Variants in PCBP3 observed in about 807,000 individuals in gnomAD.
PCBP3 encodes the protein poly(rC)-binding protein 3.
A neutral mutation model predicts 52.7 loss-of-function variants in PCBP3; 25 were observed. The observed-to-expected ratio is 0.47, with a 90% CI of 0.35 to 0.66. The LOEUF is 0.66. Among genes scored for constraint, PCBP3 ranks in the 30% least tolerant of loss-of-function variants. PCBP3 has a pLI of 0.01. For missense variants in PCBP3, 391 were observed against 490.3 expected (o/e 0.80, Z 1.91); for synonymous variants, 162 against 183.0 (o/e 0.89, Z 0.93).
At chr21:45,672,027 C>G (rs1201991944) in intron 2 of PCBP3, among the ~76,000 whole-genome samples, 1 of 152,126 alleles carries the variant, frequency 6.6e-6, no homozygotes, top group African/African-American at 2.4e-5. Context: ...GAAGTTTAAT[C>G]TTAAGATGTG....
chr21:45,681,235 T>C (rs965354414), intron 2 of PCBP3, among the ~76,000 whole-genome samples: 2 of 152,236 alleles, frequency 1.3e-5, no homozygotes, highest in Admixed American at 1.3e-4. Flanking sequence ...CAGCCTCTAT[T>C]TCTAGTTTTC....
At position 45,646,093 on chromosome 21, in the gene PCBP3, C is replaced by CTT. The variant is rs2079262936; in HGVS notation, c.-279+2226_-279+2227insTT. Among the ~76,000 whole-genome samples the CTT allele has an allele frequency of 3.3e-3, 269 of 81,394 alleles. 2 individuals are homozygous for CTT. Among genetic ancestry groups the CTT allele is most frequent in the Middle Eastern group, 0.012 (2 of 164 alleles). The allele number at this position is 81,394 out of a possible 152,430, so 53.4% of individuals were successfully genotyped here. A position where few individuals can be genotyped will look rare whatever the true frequency, so the allele number is the denominator to read the frequency against. On this transcript the variant is annotated intron_variant, in intron 1 of 17. Transcript: ENST00000681687. ...TCTCTCTCTCTCTCTTTCTCTCTCT[C>CTT]TCTCTCTCTCTCTCTGTGTGTGTGT... is the stretch of plus-strand genomic sequence containing the variant.
chr21:45,915,645 G>A (rs533747257), intron 12 of PCBP3: 2 of 152,384 alleles, frequency 1.3e-5, no homozygotes, highest in African/African-American at 4.8e-5. Flanking sequence ...ACTGCAGCAG[G>A]TGAAGGGCCC....
intron 9 of PCBP3, among the ~76,000 whole-genome samples, chr21:45,906,902 C>G (rs886627085): frequency 1.3e-5 from 2 of 152,164 alleles, no homozygotes; most frequent in Non-Finnish European, 2.9e-5. Context: ...TGATTTGAAA[C>G]GCCTCCCAGG....
chr21:45,922,402 G>T lies in PCBP3; in HGVS notation c.717+4773G>T, dbSNP rs2074567585. On this transcript the variant is annotated intron_variant, in intron 13 of 17. Transcript: ENST00000681687. ...GACCCCATTTCTACAAAAAAATACAGAAATTAACTGGGTGTGGTGGCACAC... is the reference window on the plus strand; with the variant it reads ...GACCCCATTTCTACAAAAAAATACATAAATTAACTGGGTGTGGTGGCACAC... Among the ~76,000 whole-genome samples, 3 of 151,974 alleles carry T rather than the reference G, an allele frequency of 2.0e-5. No individual in the cohort carries two copies. In the South Asian group the frequency reaches 6.2e-4, roughly 32 times the overall value.
At chr21:45,888,844 G>A (rs1569445568) in intron 5 of PCBP3, among the ~76,000 whole-genome samples, 1 of 152,186 alleles carries the variant, frequency 6.6e-6, no homozygotes, top group Non-Finnish European at 1.5e-5. Flanking sequence ...CACGTGGACA[G>A]TATCTATACA....
At chr21:45,938,722 C>T (rs1013955221) in intron 16 of PCBP3, among the ~76,000 whole-genome samples, 2 of 152,160 alleles carry the variant, frequency 1.3e-5, no homozygotes, top group African/African-American at 4.8e-5. Context: ...GCCCTGGATT[C>T]TCCAGAGTGG....
In PCBP3 at chr21:45,928,378, G is replaced by A. The variant is rs1360912617; in HGVS notation, c.718-1539G>A. Among the ~76,000 whole-genome samples the A allele has an allele frequency of 6.6e-6, 1 of 152,166 alleles. No individual in the cohort carries two copies. Among genetic ancestry groups the A allele is most frequent in the Non-Finnish European group, 1.5e-5 (1 of 68,012 alleles). On this transcript the variant is annotated intron_variant, in intron 13 of 17. Coordinates refer to ENST00000681687, the MANE Select transcript of PCBP3 (RefSeq NM_001384156.1). The surrounding 1 kb of genome is among the most constrained non-coding windows in gnomAD (Gnocchi z 4.1). Reference sequence around the variant, plus strand: ...CTGCAAGGCCAGGGGTTGGGGAGGGGCAGGGCTGGGGAGCAGGCCCCCCGA... The same window carrying A: ...CTGCAAGGCCAGGGGTTGGGGAGGGACAGGGCTGGGGAGCAGGCCCCCCGA...
intron 2 of PCBP3, among the ~76,000 whole-genome samples, chr21:45,669,683 C>T (rs188021761): frequency 1.3e-5 from 2 of 151,114 alleles, no homozygotes; most frequent in Non-Finnish European, 3.0e-5. Flanking sequence ...AATATTTTTC[C>T]TTTTGTGACT....
chr21:45,911,043 C>T lies in PCBP3; in HGVS notation c.600+13C>T, dbSNP rs201001135. Reference sequence around the variant, plus strand: ...GGTCATGCTGGAGGTACCGTCTGCGCGCCAGGGCCAGCCCACGTCAGTGCT... The same window carrying T: ...GGTCATGCTGGAGGTACCGTCTGCGTGCCAGGGCCAGCCCACGTCAGTGCT... On this transcript the variant is annotated intron_variant, in intron 11 of 17. Coordinates refer to ENST00000681687, the MANE Select transcript of PCBP3 (RefSeq NM_001384156.1). The T allele has an allele frequency of 1.1e-4, 169 of 1,607,350 alleles. No individual in the cohort carries two copies. Among genetic ancestry groups the T allele is most frequent in the Middle Eastern group, 1.6e-4 (1 of 6,062 alleles).
At position 45,696,474 on chromosome 21, in the gene PCBP3, C is replaced by T. The variant is rs560766244; in HGVS notation, c.-200+27522C>T. 1.1e-4 allele frequency among the ~76,000 whole-genome samples: 16 copies of T among 152,086 alleles called. No homozygotes were observed. The South Asian group carries it at 3.1e-3, about 30-fold the overall frequency. On this transcript the variant is annotated intron_variant, in intron 2 of 17. Transcript: ENST00000681687. ...GATTTGTCTCCAGAATGTATGAAAA[C>T]GACTGCAAGTTAATTTTTTAAAAAA... is the stretch of plus-strand genomic sequence containing the variant.
intron 2 of PCBP3, among the ~76,000 whole-genome samples, chr21:45,671,086 T>C (rs1319300825): frequency 1.3e-5 from 2 of 152,206 alleles, no homozygotes; most frequent in African/African-American, 4.8e-5. Context: ...CAAGATCCAG[T>C]GATGGGGTTC....
intron 15 of PCBP3, among the ~76,000 whole-genome samples, chr21:45,933,076 G>A (rs1165566087): frequency 1.3e-5 from 2 of 152,062 alleles, no homozygotes; most frequent in African/African-American, 2.4e-5. Flanking sequence ...CATCGGCCAC[G>A]CCGTCTTGAG....
At chr21:45,728,625 G>T (rs1009222356) in intron 2 of PCBP3, 1 of 152,116 alleles carries the variant, frequency 6.6e-6, no homozygotes, top group African/African-American at 2.4e-5. Context: ...TTTTCTAGAT[G>T]AGTTAGTAAG....
intron 15 of PCBP3, 117 bp from the exon 16 acceptor site, chr21:45,935,136 A>T: frequency 1.4e-6 from 1 of 702,610 alleles, no homozygotes; most frequent in Non-Finnish European, 2.5e-6. Flanking sequence ...TGACCCTCAC[A>T]CTTGGGCCAG....
chr21:45,886,423 G>T (rs2095524260), intron 5 of PCBP3, among the ~76,000 whole-genome samples: 1 of 145,536 alleles, frequency 6.9e-6, no homozygotes. Flanking sequence ...CCTCATTGCT[G>T]CGGGTGCCAA....
intron 4 of PCBP3, among the ~76,000 whole-genome samples, chr21:45,811,139 C>T (rs1603440321): frequency 6.6e-6 from 1 of 152,156 alleles, no homozygotes; most frequent in East Asian, 1.9e-4. Context: ...TTTCATCAGT[C>T]TCCATTCCTA....
intron 4 of PCBP3, among the ~76,000 whole-genome samples, chr21:45,798,008 G>C (rs1023144924): frequency 6.1e-5 from 9 of 147,618 alleles, no homozygotes; most frequent in Non-Finnish European, 1.3e-4. Context: ...TCTGTAGAGA[G>C]AGTGAATGGA....
chr21:45,824,404 T>C (rs952391995), intron 4 of PCBP3, among the ~76,000 whole-genome samples: 1 of 152,204 alleles, frequency 6.6e-6, no homozygotes, highest in Non-Finnish European at 1.5e-5. Flanking sequence ...GTCAGAAAGG[T>C]TGGCTTTAGA....
Sources: allele counts gnomAD v4.1 joint callset (sites outside exome capture counted in the v4.1 genomes callset), GRCh38; gene constraint gnomAD v4.1.1; non-coding constraint Gnocchi (gnomAD v3.1); transcripts MANE v1.5; gene names NCBI Gene and HGNC (gene_info 2026-07-23, HGNC 2026-07-21).